AFG2A: variants seen among roughly 807,000 people sequenced by gnomAD.
AFG2A encodes the protein ATPase family gene 2 protein homolog A.
the AFG2A span, among the ~76,000 whole-genome samples, chr4:123,021,362 A>G: frequency 6.6e-6 from 1 of 152,024 alleles, no homozygotes; most frequent in Non-Finnish European, 1.5e-5. Context: ...AGTCTTCACC[A>G]AGAAGCCAGA....
At chr4:123,061,767 A>C in the AFG2A span, among the ~76,000 whole-genome samples, 1 of 152,152 alleles carries the variant, frequency 6.6e-6, no homozygotes, top group African/African-American at 2.4e-5. Context: ...AAGCCCTTTT[A>C]TTACTTACGT....
chr4:123,161,629 CA>C, the AFG2A span, among the ~76,000 whole-genome samples: 36 of 152,172 alleles, frequency 2.4e-4, no homozygotes, highest in African/African-American at 8.7e-4. Flanking sequence ...AAGTTGAAAT[CA>C]CATTATGGAA....
chr4:122,989,730 G>A, the AFG2A span, among the ~76,000 whole-genome samples: 1 of 152,270 alleles, frequency 6.6e-6, no homozygotes, highest in Middle Eastern at 3.4e-3. Flanking sequence ...GGGAGAGCTG[G>A]ATGCTTATGT....
the AFG2A span, among the ~76,000 whole-genome samples, chr4:123,063,212 G>A: frequency 6.6e-6 from 1 of 152,078 alleles, no homozygotes; most frequent in African/African-American, 2.4e-5. Flanking sequence ...AACTGATAAA[G>A]AACTACTGAT....
At chr4:123,196,231 G>A in the AFG2A span, among the ~76,000 whole-genome samples, 1 of 128,388 alleles carries the variant, frequency 7.8e-6, no homozygotes, top group South Asian at 2.5e-4. Flanking sequence ...GGATGGTCTT[G>A]ATATCCTGAC....
At chr4:123,266,669 A>G in the AFG2A span, among the ~76,000 whole-genome samples, 77 of 151,816 alleles carry the variant, frequency 5.1e-4, no homozygotes, top group Non-Finnish European at 5.9e-4. Flanking sequence ...GATGTATACT[A>G]TTTTTTACTT....
At chr4:123,113,545 T>A in the AFG2A span, among the ~76,000 whole-genome samples, 4 of 152,146 alleles carry the variant, frequency 2.6e-5, no homozygotes, top group African/African-American at 4.8e-5. Context: ...CCTCACCAAA[T>A]CAACCTTTAG....
At chr4:123,277,271 C>T in the AFG2A span, among the ~76,000 whole-genome samples, 2 of 152,086 alleles carry the variant, frequency 1.3e-5, no homozygotes, top group African/African-American at 2.4e-5. Context: ...CCAGATTTGG[C>T]TGTCAGCTTG....
the AFG2A span, among the ~76,000 whole-genome samples, chr4:123,203,221 A>T: frequency 6.6e-6 from 1 of 151,444 alleles, no homozygotes; most frequent in East Asian, 1.9e-4. Flanking sequence ...GCATGATCTC[A>T]GCTCACTGCA....
the AFG2A span, among the ~76,000 whole-genome samples, chr4:122,971,818 G>T: frequency 6.6e-6 from 1 of 152,142 alleles, no homozygotes; most frequent in Non-Finnish European, 1.5e-5. Flanking sequence ...TGGGAAGAAT[G>T]ATGTTGATTG....
chr4:122,996,873 C>G, the AFG2A span, among the ~76,000 whole-genome samples: 1 of 152,040 alleles, frequency 6.6e-6, no homozygotes, highest in Non-Finnish European at 1.5e-5. Flanking sequence ...TCCCAATATC[C>G]AAGGACAGGT....
At chr4:123,237,454 C>T in the AFG2A span, among the ~76,000 whole-genome samples, 1 of 151,780 alleles carries the variant, frequency 6.6e-6, no homozygotes. Context: ...AGTGACGCCA[C>T]TTGAGGCCAG....
chr4:123,020,675 G>A, the AFG2A span, among the ~76,000 whole-genome samples: 10 of 152,088 alleles, frequency 6.6e-5, no homozygotes, highest in African/African-American at 2.4e-4. Flanking sequence ...TAAATTTTCA[G>A]AAAATATAAA....
chr4:122,936,063 TAAG>T, the AFG2A span: 7 of 1,536,406 alleles, frequency 4.6e-6, no homozygotes, highest in Non-Finnish European at 6.2e-6. Flanking sequence ...TTAAAAACAA[TAAG>T]AAATGGTCTT....
the AFG2A span, among the ~76,000 whole-genome samples, chr4:123,149,012 G>T: frequency 6.6e-6 from 1 of 151,938 alleles, no homozygotes; most frequent in African/African-American, 2.4e-5. Flanking sequence ...CAGGTAATCC[G>T]CCTGCCTCGG....
At chr4:123,082,697 C>G in the AFG2A span, among the ~76,000 whole-genome samples, 3 of 151,996 alleles carry the variant, frequency 2.0e-5, no homozygotes, top group Non-Finnish European at 4.4e-5. Flanking sequence ...TGTCAATATT[C>G]ATAGAATAAC....
the AFG2A span, among the ~76,000 whole-genome samples, chr4:122,998,726 G>A: frequency 6.6e-6 from 1 of 152,248 alleles, no homozygotes; most frequent in African/African-American, 2.4e-5. Flanking sequence ...GGACATTTGG[G>A]TTGGTTCCAA....
chr4:123,134,930 T>TA, the AFG2A span, among the ~76,000 whole-genome samples: 1 of 152,038 alleles, frequency 6.6e-6, no homozygotes, highest in Admixed American at 6.5e-5. Context: ...ATCACCCTCT[T>TA]ACCAAAGCCA....
the AFG2A span, among the ~76,000 whole-genome samples, chr4:123,051,701 T>G: frequency 7.0e-6 from 1 of 142,362 alleles, no homozygotes; most frequent in South Asian, 2.2e-4. Flanking sequence ...TTCTGAAGGA[T>G]AGTTTTGCTG....
Sources: gnomAD v4.1 joint callset for allele counts (sites outside exome capture counted in the v4.1 genomes callset) on GRCh38, gnomAD v4.1.1 for gene constraint, MANE v1.5 for transcripts, NCBI Gene and HGNC (gene_info 2026-07-23, HGNC 2026-07-21) for gene names.